Variants in SLCO2A1 observed in about 807,000 individuals in gnomAD.
The protein encoded by SLCO2A1 is solute carrier organic anion transporter family member 2A1, also known as matrin F/G 1.
Under a neutral mutation model 71.7 loss-of-function variants are expected in SLCO2A1, and 60 were observed. That is an observed-to-expected ratio of 0.84 (90% CI 0.68 to 1.04). The LOEUF is 1.04. Among genes scored for constraint, SLCO2A1 ranks in the 50% least tolerant of loss-of-function variants. The pLI is 0.00. For synonymous variants in SLCO2A1, 308 were observed against 326.7 expected, an observed-to-expected ratio of 0.94 and a Z score of 0.62; for missense variants, 745 against 813.4, an observed-to-expected ratio of 0.92 and a Z score of 1.02.
intron 5 of SLCO2A1, 103 bp downstream of exon 5, chr3:133,953,560 C>G: frequency 1.2e-6 from 1 of 850,362 alleles, no homozygotes; most frequent in Admixed American, 2.0e-5. Context: ...TGGCAGAGCG[C>G]ATCTGGAGCT....
intron 3 of SLCO2A1, among the ~76,000 whole-genome samples, chr3:133,958,731 T>C (rs551096026): frequency 1.6e-4 from 25 of 152,232 alleles, no homozygotes; most frequent in Non-Finnish European, 3.1e-4. Context: ...GAAGGACATA[T>C]ACTTTGCATC....
Position 134,028,817 on chromosome 3 carries a change from G to GT in SLCO2A1, c.96+889dup, listed in dbSNP as rs113617814. 3.0e-3 allele frequency among the ~76,000 whole-genome samples: 461 copies of GT among 152,332 alleles called. 3 individuals carry two copies. The highest frequency in any genetic ancestry group is 0.011 in the African/African-American group (450 of 41,572). ...GGCCTCTCAGGAGGTATCTTCCATT[G>GT]TTACTTCTGCCTAGGCAGAACGGGC... On this transcript the variant is annotated intron_variant, in intron 1 of 13. Coordinates refer to ENST00000310926, the MANE Select transcript of SLCO2A1 (RefSeq NM_005630.3).
intron 1 of SLCO2A1, among the ~76,000 whole-genome samples, chr3:133,993,303 T>C (rs974082525): frequency 5.9e-5 from 9 of 152,230 alleles, no homozygotes; most frequent in African/African-American, 1.9e-4. Context: ...CCTGCTTCCG[T>C]TGTTTTGTGT....
rs1033503988 is a variant in SLCO2A1 at position 133,955,163 on chromosome 3, C to G, written c.428G>C (p.Cys143Ser). 6.2e-7 allele frequency: 1 copy of G among 1,613,960 alleles called. No individual in the cohort carries two copies. The change falls in exon 4 of 14, where the codon TGC becomes TCC. Residue 143 changes from cysteine to serine, a missense_variant. By Grantham distance (112) the Cys-to-Ser change is moderately radical. Coordinates refer to ENST00000310926, the MANE Select transcript of SLCO2A1 (RefSeq NM_005630.3). ...GNNSRLQAELCQKHWQDLPPS... is the reference protein window; with the variant it reads ...GNNSRLQAELSQKHWQDLPPS... The stretch of plus-strand genomic sequence containing the variant: ...AGGCAGGTCCTGCCAATGCTTCTGG[C>G]AGAGCTCGGCCTGCAAGCGGCTGTT...
At position 133,978,106 on chromosome 3, in the gene SLCO2A1, G is replaced by A. The variant is rs568439791; in HGVS notation, c.234+1375C>T. ...TGTGCATGCATGTCATATATGTGGC[G>A]AAAGAGCCCATGGAGGGGTGCCCAT... On this transcript the variant is annotated intron_variant, in intron 2 of 13. Coordinates refer to ENST00000310926, the MANE Select transcript of SLCO2A1 (RefSeq NM_005630.3). 1.3e-4 allele frequency among the ~76,000 whole-genome samples: 20 copies of A among 152,296 alleles called. No individual in the cohort carries two copies. The East Asian group carries it at 1.5e-3, about 12-fold the overall frequency.
intron 1 of SLCO2A1, among the ~76,000 whole-genome samples, chr3:134,012,442 C>A (rs1435376912): frequency 6.6e-6 from 1 of 152,070 alleles, no homozygotes; most frequent in African/African-American, 2.4e-5. Flanking sequence ...CAGTGAGCTC[C>A]CCATCAGAAC....
chr3:133,981,647 C>T (rs1478960594), intron 1 of SLCO2A1, among the ~76,000 whole-genome samples: 1 of 152,164 alleles, frequency 6.6e-6, no homozygotes, highest in Non-Finnish European at 1.5e-5. Flanking sequence ...CTGGCTCTGA[C>T]CATCCTTGTA....
intron 1 of SLCO2A1, among the ~76,000 whole-genome samples, chr3:134,004,719 T>G (rs1337896201): frequency 6.6e-6 from 1 of 152,146 alleles, no homozygotes; most frequent in Non-Finnish European, 1.5e-5. Flanking sequence ...ATGCTAGTTT[T>G]GAGGATGGAG....
Position 133,983,884 on chromosome 3 carries a change from C to A in SLCO2A1, c.97-4266G>T, listed in dbSNP as rs537731144. 2.0e-5 allele frequency among the ~76,000 whole-genome samples: 3 copies of A among 152,216 alleles called. No individual in the cohort carries two copies. The East Asian group carries it at 5.8e-4, about 29-fold the overall frequency. ...AGAGGCACCAAATTAGAGGCTCTTG[C>A]AAAGGCTGGCTTGACACCGCTGTCA... On this transcript the variant is annotated intron_variant, in intron 1 of 13. Coordinates refer to ENST00000310926, the MANE Select transcript of SLCO2A1 (RefSeq NM_005630.3).
chr3:133,981,593 T>C (rs961266656), intron 1 of SLCO2A1, among the ~76,000 whole-genome samples: 8 of 152,186 alleles, frequency 5.3e-5, no homozygotes, highest in Admixed American at 3.9e-4. Context: ...CAGCAGAGTC[T>C]GGGGGACAAC....
At chr3:133,960,654 C>T (rs748781536) in intron 3 of SLCO2A1, among the ~76,000 whole-genome samples, 12 of 152,172 alleles carry the variant, frequency 7.9e-5, no homozygotes, top group Non-Finnish European at 5.9e-5. Flanking sequence ...GCATTGTGAA[C>T]GTACCTTAAT....
intron 1 of SLCO2A1, among the ~76,000 whole-genome samples, chr3:133,999,829 C>G (rs1227161799): frequency 6.6e-6 from 1 of 152,094 alleles, no homozygotes; most frequent in Non-Finnish European, 1.5e-5. Context: ...GAAGAGAAAA[C>G]CAAGTCAGAA....
At chr3:133,986,313 T>A (rs1934713467) in intron 1 of SLCO2A1, among the ~76,000 whole-genome samples, 1 of 152,238 alleles carries the variant, frequency 6.6e-6, no homozygotes, top group African/African-American at 2.4e-5. Context: ...TTGGAATAAC[T>A]TTGTTTATTC....
chr3:134,029,165 C>T (rs554686427), intron 1 of SLCO2A1, among the ~76,000 whole-genome samples: 4 of 152,100 alleles, frequency 2.6e-5, no homozygotes, highest in Non-Finnish European at 5.9e-5. Context: ...AGCAGAGCCC[C>T]CCGCCCCCGT....
chr3:133,976,132 C>G (rs1934440364), intron 2 of SLCO2A1, among the ~76,000 whole-genome samples: 1 of 152,168 alleles, frequency 6.6e-6, no homozygotes, highest in Non-Finnish European at 1.5e-5. Context: ...GCCCAGGAGA[C>G]CCCTCCAGCA....
In SLCO2A1 at chr3:134,014,948, G is replaced by A. The variant is rs145041050; in HGVS notation, c.96+14759C>T. 6.8e-3 allele frequency among the ~76,000 whole-genome samples: 1,039 copies of A among 152,284 alleles called. 17 individuals carry two copies. Among genetic ancestry groups the A allele is most frequent in the African/African-American group, 0.024 (979 of 41,560 alleles). ...TTCAAGGGAAAAAACATACCAATCA[G>A]CTAAGGGCAGAAGAAAAGCTGGAGC... On this transcript the variant is annotated intron_variant, in intron 1 of 13. Transcript: ENST00000310926.
chr3:133,949,047 T>G, intron 6 of SLCO2A1, 76 bp from the exon 7 acceptor site: 1 of 1,314,946 alleles, frequency 7.6e-7, no homozygotes, highest in Non-Finnish European at 1.1e-6. Context: ...CTTGAGTCTC[T>G]GGCCTCAGAA....
chr3:134,021,763 A>G (rs1332311725), intron 1 of SLCO2A1, among the ~76,000 whole-genome samples: 6 of 151,494 alleles, frequency 4.0e-5, no homozygotes, highest in Non-Finnish European at 7.4e-5. Context: ...AGTAGTTAAG[A>G]AAAAAAAAGT....
At chr3:133,990,813 G>A (rs1192212058) in intron 1 of SLCO2A1, among the ~76,000 whole-genome samples, 1 of 152,172 alleles carries the variant, frequency 6.6e-6, no homozygotes, top group Non-Finnish European at 1.5e-5. Flanking sequence ...AGTGTCATCA[G>A]ACATGCAGGC....
Sources: gnomAD v4.1 joint callset for allele counts (sites outside exome capture counted in the v4.1 genomes callset) on GRCh38, gnomAD v4.1.1 for gene constraint, MANE v1.5 for transcripts, NCBI Gene and HGNC (gene_info 2026-07-23, HGNC 2026-07-21) for gene names.